RIMBP2: variants seen among roughly 807,000 people sequenced by gnomAD.
RIMBP2 encodes the protein RIMS-binding protein 2.
A neutral mutation model predicts 118.6 loss-of-function variants in RIMBP2; 48 were observed. The observed-to-expected ratio is 0.40, with a 90% CI of 0.32 to 0.51. The LOEUF is 0.51. Among genes scored for constraint, RIMBP2 ranks in the 20% least tolerant of loss-of-function variants. The pLI is 0.41. For missense variants in RIMBP2, 1,551 were observed against 1,768.3 expected, an observed-to-expected ratio of 0.88 and a Z score of 2.20; for synonymous variants, 762 against 742.9, an observed-to-expected ratio of 1.03 and a Z score of -0.42.
At chr12:130,539,686 C>A (rs11060983) in intron 2 of RIMBP2, among the ~76,000 whole-genome samples, 1,244 of 113,382 alleles carry the variant, frequency 0.011, 27 homozygotes, top group East Asian at 0.043. Flanking sequence ...CAAATGCAGT[C>A]GATGAGGTGG....
chr12:130,407,133 A>C (rs535329009), intron 20 of RIMBP2, among the ~76,000 whole-genome samples: 42 of 152,316 alleles, frequency 2.8e-4, no homozygotes, highest in African/African-American at 9.1e-4. Flanking sequence ...AAATGTCAAA[A>C]TGAGGGAATA....
Position 130,422,308 on chromosome 12 carries a change from G to T in RIMBP2, c.3238+145C>A. 1 of 558,324 alleles carries T rather than the reference G, an allele frequency of 1.8e-6. No homozygotes were observed. The highest frequency in any genetic ancestry group is 2.8e-5 in the East Asian group (1 of 35,198). 34.6% of individuals were successfully genotyped at this position (558,324 alleles called of 1,614,324 possible). A position where few individuals can be genotyped will look rare whatever the true frequency, so the allele number is the denominator to read the frequency against. Reference sequence around the variant, plus strand: ...AAATAGCTTTCATTTATCTTGTGCTGTTCCTGCCTTCTTTTTGCCATGAAT... The same window carrying T: ...AAATAGCTTTCATTTATCTTGTGCTTTTCCTGCCTTCTTTTTGCCATGAAT... On this transcript the variant is annotated intron_variant, in intron 17 of 22. Transcript: ENST00000690449. The surrounding 1 kb of genome is among the most constrained non-coding windows in gnomAD (Gnocchi z 5.2).
At chr12:130,672,059 T>C (rs972289813) in intron 1 of RIMBP2, among the ~76,000 whole-genome samples, 2 of 152,222 alleles carry the variant, frequency 1.3e-5, no homozygotes, top group African/African-American at 4.8e-5. Context: ...GGCCACATTC[T>C]TACATTTCCC....
chr12:130,581,583 G>A lies in RIMBP2; in HGVS notation c.-217+46739C>T, dbSNP rs2058483805. On this transcript the variant is annotated intron_variant, in intron 2 of 22. Transcript: ENST00000690449. The surrounding 1 kb of genome is among the most constrained non-coding windows in gnomAD (Gnocchi z 4.4). ...CCCGTGCCAGTAGGTGGCAATTCCA[G>A]GCTCTCGCGGCTCAGGCCTCAGACC... Among the ~76,000 whole-genome samples the A allele has an allele frequency of 6.6e-6, 1 of 152,188 alleles. No homozygotes were observed.
intron 1 of RIMBP2, among the ~76,000 whole-genome samples, chr12:130,699,508 C>T (rs915719438): frequency 5.7e-5 from 8 of 139,964 alleles, no homozygotes; most frequent in African/African-American, 1.9e-4. Flanking sequence ...TGTTCTCACT[C>T]ATAGGTGGGA....
Position 130,573,460 on chromosome 12 carries a change from A to G in RIMBP2, c.-217+54862T>C, listed in dbSNP as rs1383132584. Among the ~76,000 whole-genome samples the G allele has an allele frequency of 2.6e-5, 4 of 151,944 alleles. No individual in the cohort carries two copies. The East Asian group carries it at 5.8e-4, about 22-fold the overall frequency. On this transcript the variant is annotated intron_variant, in intron 2 of 22. Coordinates refer to ENST00000690449, the MANE Select transcript of RIMBP2 (RefSeq NM_001393629.1). The stretch of plus-strand genomic sequence containing the variant: ...TGTGCGTGGGTGCGTGCGTGGGTGC[A>G]TGTGGGTGTGCAAGTGTGAGGTGCG...
chr12:130,646,470 C>T (rs1367293454), intron 1 of RIMBP2, among the ~76,000 whole-genome samples: 1 of 69,462 alleles, frequency 1.4e-5, no homozygotes, highest in Non-Finnish European at 3.8e-5. Flanking sequence ...TCCCTCGCTA[C>T]CTCCCTCACT....
chr12:130,687,407 G>A (rs1176890874), intron 1 of RIMBP2, among the ~76,000 whole-genome samples: 1 of 152,108 alleles, frequency 6.6e-6, no homozygotes, highest in African/African-American at 2.4e-5. Flanking sequence ...TTAACCAGTC[G>A]CCCACGCCCC....
intron 11 of RIMBP2, among the ~76,000 whole-genome samples, chr12:130,439,264 A>G (rs1379379422): frequency 1.3e-5 from 2 of 149,188 alleles, no homozygotes; most frequent in African/African-American, 5.2e-5. Context: ...GTACATGTGT[A>G]TGTGTGTATG....
chr12:130,624,437 G>C (rs1175033896), intron 2 of RIMBP2, among the ~76,000 whole-genome samples: 1 of 152,092 alleles, frequency 6.6e-6, no homozygotes, highest in Non-Finnish European at 1.5e-5. Context: ...ATCCACTTTT[G>C]TCTATACACC....
chr12:130,696,494 TTAAATG>T (rs1454684915), intron 1 of RIMBP2, among the ~76,000 whole-genome samples: 2 of 152,242 alleles, frequency 1.3e-5, no homozygotes, highest in African/African-American at 4.8e-5. Context: ...ATCATCAGCC[TTAAATG>T]TAAAGTAACA....
At chr12:130,470,929 G>T (rs141982312) in intron 5 of RIMBP2, among the ~76,000 whole-genome samples, 186 bp from the exon 6 acceptor site, 1,691 of 152,260 alleles carry the variant, frequency 0.011, 32 homozygotes, top group African/African-American at 0.038. Flanking sequence ...GTGCAGGTTT[G>T]CTGTACAGAT....
At chr12:130,531,511 T>C (rs1323631979) in intron 2 of RIMBP2, among the ~76,000 whole-genome samples, 6 of 152,272 alleles carry the variant, frequency 3.9e-5, no homozygotes, top group Non-Finnish European at 7.3e-5. Context: ...AGCCCTTCAT[T>C]ACTGTGTAGT....
chr12:130,501,027 C>T (rs977107131), intron 4 of RIMBP2, among the ~76,000 whole-genome samples: 3 of 152,202 alleles, frequency 2.0e-5, no homozygotes, highest in Non-Finnish European at 4.4e-5. Flanking sequence ...CCATCTCCCA[C>T]ACGTGGTGAC....
chr12:130,644,269 G>A (rs926979342), intron 1 of RIMBP2, among the ~76,000 whole-genome samples: 2 of 152,212 alleles, frequency 1.3e-5, no homozygotes, highest in African/African-American at 4.8e-5. Flanking sequence ...AGAGGGTGCT[G>A]TGAGGAAACA....
Position 130,710,185 on chromosome 12 carries a change from G to A in RIMBP2, c.-352+6037C>T, listed in dbSNP as rs117398394. Reference sequence around the variant, plus strand: ...GAGAATCAAAGCCACCGAGCAGCTCGCAGATCCATTCCTCCCTCTGCCCTC... The same window carrying A: ...GAGAATCAAAGCCACCGAGCAGCTCACAGATCCATTCCTCCCTCTGCCCTC... On this transcript the variant is annotated intron_variant, in intron 1 of 22. Transcript: ENST00000690449. This position sits in a 1 kb window ranked among gnomAD's most constrained non-coding sequence, Gnocchi z 4.3. Among the ~76,000 whole-genome samples the A allele has an allele frequency of 2.6e-3, 400 of 152,166 alleles. 4 individuals carry two copies. Among genetic ancestry groups the A allele is most frequent in the East Asian group, 0.02 (104 of 5,166 alleles).
chr12:130,484,069 C>T (rs527771643), intron 4 of RIMBP2, among the ~76,000 whole-genome samples: 6 of 152,306 alleles, frequency 3.9e-5, no homozygotes, highest in South Asian at 4.1e-4. Context: ...AGACTGGAGG[C>T]GAAACATCTC....
chr12:130,522,315 C>T (rs934253765), intron 2 of RIMBP2, among the ~76,000 whole-genome samples: 1 of 152,208 alleles, frequency 6.6e-6, no homozygotes, highest in Non-Finnish European at 1.5e-5. Context: ...CAGGGAGAGC[C>T]GTGTAACACA....
In RIMBP2 at chr12:130,581,645, A is replaced by G. The variant is rs2058488803; in HGVS notation, c.-217+46677T>C. Among the ~76,000 whole-genome samples, 1 of 151,868 alleles carries G rather than the reference A, an allele frequency of 6.6e-6. No homozygotes were observed. Among genetic ancestry groups the G allele is most frequent in the African/African-American group, 2.4e-5 (1 of 41,356 alleles). On this transcript the variant is annotated intron_variant, in intron 2 of 22. Transcript: ENST00000690449. The surrounding 1 kb of genome is among the most constrained non-coding windows in gnomAD (Gnocchi z 4.4). ...TTCCTCTGTTCTCTTTGTCCTGTGG[A>G]CTCTGACTTCAGGACATACCCGGAA... is the stretch of plus-strand genomic sequence containing the variant.
Sources: allele counts gnomAD v4.1 joint callset (sites outside exome capture counted in the v4.1 genomes callset), GRCh38; gene constraint gnomAD v4.1.1; non-coding constraint Gnocchi (gnomAD v3.1); transcripts MANE v1.5; gene names NCBI Gene and HGNC (gene_info 2026-07-23, HGNC 2026-07-21).